Variants in SCML1 observed in about 807,000 individuals in gnomAD.
The protein encoded by SCML1 is Scm polycomb group protein like 1, also known as sex comb on midleg-like protein 1.
For synonymous variants in SCML1, 104 were observed against 103.6 expected, an observed-to-expected ratio of 1.00 and a Z score of -0.02; for missense variants, 137 against 258.1, an observed-to-expected ratio of 0.53 and a Z score of 3.22.
intron 1 of SCML1, among the ~76,000 whole-genome samples, chrX:17,741,597 C>G (rs1307280927): frequency 8.9e-6 from 1 of 111,908 alleles, no homozygotes; most frequent in Admixed American, 9.4e-5. Flanking sequence ...GCAATGGGAC[C>G]TGGGCAAATT....
At chrX:17,740,348 A>G (rs747829241) in intron 1 of SCML1, among the ~76,000 whole-genome samples, 8 of 111,902 alleles carry the variant, frequency 7.1e-5, no homozygotes, top group East Asian at 2.8e-4. Context: ...CTTGTTGTCT[A>G]TGTGCTCCTT....
intron 2 of SCML1, 52 bp from the exon 3 acceptor site, chrX:17,745,404 T>G (rs1488972493): frequency 2.6e-6 from 2 of 765,982 alleles, no homozygotes; most frequent in African/African-American, 4.2e-5. Context: ...CAACTTTTCT[T>G]TTAGTTCTGT....
At chrX:17,751,060 A>G (rs2066703224) in intron 6 of SCML1, among the ~76,000 whole-genome samples, 1 of 112,652 alleles carries the variant, frequency 8.9e-6, no homozygotes, top group Non-Finnish European at 1.9e-5. Flanking sequence ...TTTTAAACAT[A>G]TAAACCTTTG....
intron 1 of SCML1, among the ~76,000 whole-genome samples, chrX:17,741,578 C>T (rs187614549): frequency 2.2e-4 from 25 of 112,093 alleles, no homozygotes; most frequent in Non-Finnish European, 4.1e-4. Context: ...TAGACTGCAC[C>T]ATTTACTAGC....
In SCML1 at chrX:17,750,210, C is replaced by T; in HGVS notation, c.620C>T (p.Ser207Leu). Reference sequence around the variant, plus strand: ...GATGGTGCAACGTATGGTTCTTCTTCAGGGCTCTGCCTTGGCAACCCTCGG... The same window carrying T: ...GATGGTGCAACGTATGGTTCTTCTTTAGGGCTCTGCCTTGGCAACCCTCGG... ...ASDGATYGSSSGLCLGNPRAD... is the reference protein window; with the variant it reads ...ASDGATYGSSLGLCLGNPRAD... Residue 207 changes from serine to leucine, a missense_variant, in exon 6 of 8, where the codon TCA becomes TTA. By Grantham distance (145) the Ser-to-Leu change is moderately radical (BLOSUM62 -2). Transcript: ENST00000380041. The T allele has an allele frequency of 2.5e-6, 3 of 1,211,922 alleles. No homozygotes were observed. Among genetic ancestry groups the T allele is most frequent in the Non-Finnish European group, 3.4e-6 (3 of 895,424 alleles).
intron 6 of SCML1, among the ~76,000 whole-genome samples, chrX:17,751,272 G>A (rs1480402800): frequency 2.7e-5 from 3 of 112,092 alleles, no homozygotes; most frequent in African/African-American, 9.7e-5. Flanking sequence ...TTTGATAAAA[G>A]TACTAATTTG....
At position 17,749,329 on chromosome X, in the gene SCML1, AC is replaced by A. The variant is rs2066679995; in HGVS notation, c.199-70del. 3 of 604,030 alleles carry A rather than the reference AC, an allele frequency of 5.0e-6. No individual in the cohort carries two copies. In the African/African-American group the frequency reaches 7.0e-5, roughly 14 times the overall value. 49.8% of individuals were successfully genotyped at this position (604,030 alleles called of 1,213,427 possible). On this transcript the variant is annotated intron_variant, in intron 4 of 7. Transcript: ENST00000380041. ...TTTGACTTAATGGTATTTTCACGTT[AC>A]TTTTCTTTGAAATAAAAAATTATAT...
At chrX:17,748,407 T>C (rs751512113) in intron 4 of SCML1, among the ~76,000 whole-genome samples, 1 of 111,470 alleles carries the variant, frequency 9.0e-6, no homozygotes, top group South Asian at 3.8e-4. Context: ...GGTTTCGCCA[T>C]GTTGCCTAGG....
chrX:17,743,855 A>G (rs2066621899), intron 1 of SCML1: 1 of 185,868 alleles, frequency 5.4e-6, no homozygotes, highest in Non-Finnish European at 9.8e-6. Flanking sequence ...ACAGTTTGTA[A>G]TTGTGTTTGA....
At chrX:17,737,296 C>T (rs760060860), upstream of SCML1, among the ~76,000 whole-genome samples, 45 of 107,827 alleles carry the variant, frequency 4.2e-4, no homozygotes, top group African/African-American at 1.5e-3. Flanking sequence ...CCCTCGGCCC[C>T]GCCCCACAGC....
chrX:17,739,332 T>G (rs1393325888), intron 1 of SCML1, among the ~76,000 whole-genome samples: 1 of 111,596 alleles, frequency 9.0e-6, no homozygotes, highest in Non-Finnish European at 1.9e-5. Context: ...TTATTTATCT[T>G]GTGGGAAGAA....
At position 17,750,048 on chromosome X, in the gene SCML1, A is replaced by G; in HGVS notation, c.458A>G (p.Asn153Ser). 1 of 1,211,855 alleles carries G rather than the reference A, an allele frequency of 8.3e-7. No individual in the cohort carries two copies. Among genetic ancestry groups the G allele is most frequent in the Non-Finnish European group, 1.1e-6 (1 of 895,491 alleles). The change falls in exon 6 of 8, where the codon AAC becomes AGC. Residue 153 changes from asparagine (N) to serine (S), a missense_variant. By Grantham distance (46) the Asn-to-Ser change is conservative (BLOSUM62 1). Coordinates refer to ENST00000380041, the MANE Select transcript of SCML1 (RefSeq NM_001037540.3). ...AGGCGTGAGAATAATTCCCCGAGCAACCTTCCAAGGCCATCCTTTTGCATG... is the reference window on the plus strand; with the variant it reads ...AGGCGTGAGAATAATTCCCCGAGCAGCCTTCCAAGGCCATCCTTTTGCATG... ...VSRRENNSPS[N>S]LPRPSFCMEE...
At chrX:17,738,852 C>T (rs1310063684) in intron 1 of SCML1, among the ~76,000 whole-genome samples, 1 of 111,787 alleles carries the variant, frequency 8.9e-6, no homozygotes, top group Non-Finnish European at 1.9e-5. Context: ...ACTCATTTTA[C>T]GAGATTTGAG....
intron 6 of SCML1, 38 bp downstream of exon 6, chrX:17,750,331 C>T: frequency 8.7e-7 from 1 of 1,144,452 alleles, no homozygotes; most frequent in Non-Finnish European, 1.2e-6. Context: ...TGGTACATGC[C>T]CCTGAGATGA....
chrX:17,753,479 C>T lies in SCML1; in HGVS notation c.*87C>T, dbSNP rs1316488343. The T allele has an allele frequency of 2.7e-5, 20 of 753,557 alleles. No individual in the cohort carries two copies. In the East Asian group the frequency reaches 4.6e-4, roughly 17 times the overall value. The allele number at this position is 753,557 out of a possible 1,213,427, so 62.1% of individuals were successfully genotyped here. ...TGGAATCATTTTTCTGCCCTTTAGTCGTTTTTGTTTTGTAGAAAGTATCTC... is the reference window on the plus strand; with the variant it reads ...TGGAATCATTTTTCTGCCCTTTAGTTGTTTTTGTTTTGTAGAAAGTATCTC... On this transcript the variant is annotated 3_prime_UTR_variant, in exon 8 of 8. Transcript: ENST00000380041.
intron 6 of SCML1, among the ~76,000 whole-genome samples, chrX:17,750,848 G>A (rs1601880083): frequency 2.7e-5 from 3 of 112,703 alleles, no homozygotes; most frequent in Non-Finnish European, 5.6e-5. Context: ...TGTGTTGATG[G>A]TCCTGGTTGG....
intron 1 of SCML1, among the ~76,000 whole-genome samples, chrX:17,743,584 A>G (rs1288965218): frequency 9.0e-6 from 1 of 111,653 alleles, no homozygotes; most frequent in Non-Finnish European, 1.9e-5. Flanking sequence ...TGAAAGTTGA[A>G]ATGGACCTTA....
At chrX:17,747,635 A>C (rs1359407465) in intron 4 of SCML1, among the ~76,000 whole-genome samples, 1 of 111,839 alleles carries the variant, frequency 8.9e-6, no homozygotes, top group African/African-American at 3.3e-5. Flanking sequence ...CCGTGACTGC[A>C]GCCTGGGTTA....
chrX:17,741,528 G>A (rs2066594783), intron 1 of SCML1, among the ~76,000 whole-genome samples: 1 of 112,092 alleles, frequency 8.9e-6, no homozygotes, highest in Non-Finnish European at 1.9e-5. Context: ...GGTATACCAG[G>A]TGATTTTAAT....
Sources: allele counts gnomAD v4.1 joint callset (sites outside exome capture counted in the v4.1 genomes callset), GRCh38; gene constraint gnomAD v4.1.1; transcripts MANE v1.5; gene names NCBI Gene and HGNC (gene_info 2026-07-23, HGNC 2026-07-21).